Variants in TTK observed in about 807,000 individuals in gnomAD.
The protein encoded by TTK is dual specificity protein kinase TTK.
In TTK, 59 loss-of-function variants were observed where a neutral mutation model predicts 117.3. The ratio of observed to expected loss-of-function variants is 0.50; its 90% CI spans 0.41 to 0.62. TTK has a LOEUF of 0.62. Ranked by LOEUF, TTK falls within the 20% of genes least tolerant of loss-of-function variation. The pLI is 0.00. For missense variants in TTK, 921 were observed against 989.4 expected, an observed-to-expected ratio of 0.93 and a Z score of 0.93; for synonymous variants, 302 against 325.0, an observed-to-expected ratio of 0.93 and a Z score of 0.76.
chr6:80,042,099 T>G lies in TTK; in HGVS notation c.2491-20T>G. ...TTTAACTAAAAAATTGCAAAACAGATTTGTGTTTTTTAATTTCAGACTTTA... is the reference window on the plus strand; with the variant it reads ...TTTAACTAAAAAATTGCAAAACAGAGTTGTGTTTTTTAATTTCAGACTTTA... On this transcript the variant is annotated intron_variant, in intron 21 of 21. Coordinates refer to ENST00000369798, the MANE Select transcript of TTK (RefSeq NM_003318.5). 1 of 1,507,332 alleles carries G rather than the reference T, an allele frequency of 6.6e-7. No individual in the cohort carries two copies. The highest frequency in any genetic ancestry group is 8.9e-7 in the Non-Finnish European group (1 of 1,118,328). The allele number at this position is 1,507,332 out of a possible 1,614,324, so 93.4% of individuals were successfully genotyped here.
chr6:80,019,754 AT>A (rs929732209), intron 10 of TTK, among the ~76,000 whole-genome samples: 3 of 152,322 alleles, frequency 2.0e-5, no homozygotes, highest in East Asian at 1.9e-4. Context: ...GTCAAAAAAA[AT>A]CACACAAAGA....
intron 13 of TTK, among the ~76,000 whole-genome samples, chr6:80,029,024 A>C (rs778203898): frequency 6.6e-6 from 1 of 152,192 alleles, no homozygotes. Context: ...GTAACTCCTA[A>C]TACAGAGCAT....
At position 80,039,713 on chromosome 6, in the gene TTK, T is replaced by G; in HGVS notation, c.2148T>G (p.Asp716Glu). The G allele has an allele frequency of 6.5e-7, 1 of 1,531,836 alleles. No homozygotes were observed. Among genetic ancestry groups the G allele is most frequent in the Non-Finnish European group, 8.7e-7 (1 of 1,144,350 alleles). 94.9% of individuals were successfully genotyped at this position (1,531,836 alleles called of 1,614,324 possible). Reference protein sequence around the residue: ...KSKSKISPKSDVWSLGCILYY... With the variant: ...KSKSKISPKSEVWSLGCILYY... ...TTTCTTAGATAAGCCCCAAAAGTGA[T>G]GTTTGGTCCTTAGGATGTATTTTGT... Residue 716 changes from aspartate to glutamate, a missense_variant, in exon 19 of 22, where the codon GAT becomes GAG. Physicochemically the swap from Asp to Glu is conservative, Grantham distance 45. Transcript: ENST00000369798.
chr6:80,011,469 G>T lies in TTK; in HGVS notation c.649G>T (p.Gly217Cys). The T allele has an allele frequency of 6.2e-7, 1 of 1,604,638 alleles. No individual in the cohort carries two copies. The highest frequency in any genetic ancestry group is 8.5e-7 in the Non-Finnish European group (1 of 1,176,884). ...ATTAACTGCCCAAGAATCATTTTCCGGTTCACTTGGGCATTTACAGAATAG... is the reference window on the plus strand; with the variant it reads ...ATTAACTGCCCAAGAATCATTTTCCTGTTCACTTGGGCATTTACAGAATAG... ...TVLTAQESFS[G>C]SLGHLQNRNN... The change falls in exon 6 of 22, where the codon GGT becomes TGT. Residue 217 changes from glycine to cysteine, a missense_variant. By Grantham distance (159) the Gly-to-Cys change is radical. Transcript: ENST00000369798.
rs538231395 is a variant in TTK, at chr6:80,013,190, A to G, written c.897-89A>G. 10 of 1,045,900 alleles carry G rather than the reference A, an allele frequency of 9.6e-6. No individual in the cohort carries two copies. In the African/African-American group the frequency reaches 1.7e-4, roughly 17 times the overall value. 64.8% of individuals were successfully genotyped at this position (1,045,900 alleles called of 1,614,324 possible). On this transcript the variant is annotated intron_variant, in intron 8 of 21. Coordinates refer to ENST00000369798, the MANE Select transcript of TTK (RefSeq NM_003318.5). ...TTTTTCAATAAAAAGTATGTATATT[A>G]TTAAAAATCCAACTTGAGATGAAAA...
At chr6:80,006,116 C>A in intron 2 of TTK, 134 bp downstream of exon 2, 2 of 1,240,794 alleles carry the variant, frequency 1.6e-6, no homozygotes, top group Non-Finnish European at 2.3e-6. Flanking sequence ...ATGCAGGCTA[C>A]ATGATGGCAG....
In TTK at chr6:80,035,285, A is replaced by T; in HGVS notation, c.1792A>T (p.Ile598Phe). The T allele has an allele frequency of 5.6e-6, 9 of 1,604,924 alleles. No homozygotes were observed. The highest frequency in any genetic ancestry group is 6.8e-6 in the Non-Finnish European group (8 of 1,177,322). Residue 598 changes from isoleucine (I) to phenylalanine (F), a missense_variant, in exon 16 of 22, where the codon ATC (isoleucine) becomes TTC (phenylalanine). Transcript: ENST00000369798. The stretch of plus-strand genomic sequence containing the variant: ...TTGCAGTGAAATCACGGACCAGTAC[A>T]TCTACATGGTAATGGAGTGTGGAAA... ...LYDYEITDQY[I>F]YMVMECGNID...
intron 13 of TTK, 129 bp from the exon 14 acceptor site, chr6:80,031,338 A>T: frequency 2.1e-6 from 1 of 472,644 alleles, no homozygotes; most frequent in Non-Finnish European, 3.4e-6. Flanking sequence ...AAGTCCTTTT[A>T]AAAATATTGT....
chr6:80,035,447 G>T (rs1767878463), intron 16 of TTK, 30 bp downstream of exon 16: 6 of 1,555,760 alleles, frequency 3.9e-6, no homozygotes, highest in Non-Finnish European at 5.2e-6. Context: ...TATTTGTAAG[G>T]TTAAAATCTT....
In TTK at chr6:80,010,904, T is replaced by C; in HGVS notation, c.560T>C (p.Leu187Ser). The change falls in exon 5 of 22, where the codon TTA becomes TCA. Residue 187 changes from leucine to serine, a missense_variant. By Grantham distance (145) the Leu-to-Ser change is moderately radical. Transcript: ENST00000369798. ...ATGCTGGAAATTGCCCTGCGGAATT[T>C]AAACCTCCAAAAAAAGCAGCTGCTT... ...LEMLEIALRNLNLQKKQLLSE... is the reference protein window; with the variant it reads ...LEMLEIALRNSNLQKKQLLSE... The C allele has an allele frequency of 1.2e-6, 2 of 1,612,478 alleles. No individual in the cohort carries two copies. Among genetic ancestry groups the C allele is most frequent in the Non-Finnish European group, 1.7e-6 (2 of 1,178,766 alleles).
chr6:80,030,810 A>G (rs750096774), intron 13 of TTK, among the ~76,000 whole-genome samples: 1 of 152,188 alleles, frequency 6.6e-6, no homozygotes, highest in Non-Finnish European at 1.5e-5. Flanking sequence ...TGAAATTTGC[A>G]TTTGTCTCAT....
chr6:80,030,750 T>C (rs1390598570), intron 13 of TTK, among the ~76,000 whole-genome samples: 1 of 152,298 alleles, frequency 6.6e-6, no homozygotes, highest in East Asian at 1.9e-4. Flanking sequence ...CATTGGGAAT[T>C]ACAATTTGAC....
At chr6:80,017,160 C>G (rs1767328281) in intron 10 of TTK, among the ~76,000 whole-genome samples, 1 of 152,176 alleles carries the variant, frequency 6.6e-6, no homozygotes, top group Non-Finnish European at 1.5e-5. Flanking sequence ...AATGGATATC[C>G]AGGTGACCTG....
At chr6:80,022,215 G>T in intron 10 of TTK, 109 bp from the exon 11 acceptor site, 1 of 1,202,728 alleles carries the variant, frequency 8.3e-7, no homozygotes. Flanking sequence ...CTCCTTGATT[G>T]TTTTTAAGAA....
intron 9 of TTK, among the ~76,000 whole-genome samples, chr6:80,014,165 CTA>C (rs1206870031): frequency 6.6e-6 from 1 of 152,130 alleles, no homozygotes; most frequent in Non-Finnish European, 1.5e-5. Context: ...GAGGCATACT[CTA>C]TGTTGAATTC....
At chr6:80,023,042 G>A (rs7774536) in intron 11 of TTK, among the ~76,000 whole-genome samples, 14 of 152,134 alleles carry the variant, frequency 9.2e-5, no homozygotes, top group African/African-American at 2.9e-4. Flanking sequence ...GTGGCTTTTC[G>A]GAAGGAATGA....
At chr6:80,017,602 T>C in intron 10 of TTK, among the ~76,000 whole-genome samples, 1 of 152,288 alleles carries the variant, frequency 6.6e-6, no homozygotes, top group Admixed American at 6.5e-5. Context: ...GTAGCTGCAC[T>C]AAGTCTTGAT....
intron 18 of TTK, 56 bp from the exon 19 acceptor site, chr6:80,039,640 T>C: frequency 7.3e-7 from 1 of 1,369,148 alleles, no homozygotes; most frequent in Non-Finnish European, 9.7e-7. Flanking sequence ...TATATGTTTT[T>C]TCATTTTATA....
At position 80,042,229 on chromosome 6, in the gene TTK, C is replaced by T; in HGVS notation, c.*27C>T. On this transcript the variant is annotated 3_prime_UTR_variant, in exon 22 of 22. Coordinates refer to ENST00000369798, the MANE Select transcript of TTK (RefSeq NM_003318.5). ...TTGCAGTTATTCGTAATGTCAGATA[C>T]CACCTATAAAATATATTGGACTGTT... 1 of 1,507,850 alleles carries T rather than the reference C, an allele frequency of 6.6e-7. No individual in the cohort carries two copies. Among genetic ancestry groups the T allele is most frequent in the Non-Finnish European group, 9.1e-7 (1 of 1,096,224 alleles). The allele number at this position is 1,507,850 out of a possible 1,614,324, so 93.4% of individuals were successfully genotyped here.
Sources: allele counts gnomAD v4.1 joint callset (sites outside exome capture counted in the v4.1 genomes callset), GRCh38; gene constraint gnomAD v4.1.1; transcripts MANE v1.5; gene names NCBI Gene and HGNC (gene_info 2026-07-23, HGNC 2026-07-21).